The following ANKAR variants were observed in gnomAD, a reference collection of about 807,000 sequenced individuals.
ANKAR encodes the protein ankyrin and armadillo repeat-containing protein.
Under a neutral mutation model 146.2 loss-of-function variants are expected in ANKAR, and 136 were observed. That is an observed-to-expected ratio of 0.93 (90% confidence interval 0.81 to 1.07). The LOEUF (loss-of-function observed/expected upper bound fraction) is 1.07, where lower values mean the gene tolerates loss of function less well. ANKAR is among the 50% of genes least tolerant of loss of function. The pLI, the probability that ANKAR is intolerant of heterozygous loss-of-function variation, is 0.00. For missense variants in ANKAR, 1,567 were observed against 1,679.9 expected, an observed-to-expected ratio of 0.93 and a Z score of 1.18; for synonymous variants, 500 against 575.8, an observed-to-expected ratio of 0.87 and a Z score of 1.88.
At chr2:189,752,504 C>G (rs2045424289) in intron 18 of ANKAR, 16 of 719,498 alleles carry the variant, frequency 2.2e-5, no homozygotes, top group Non-Finnish European at 3.4e-5. Context: ...CATATGGTAT[C>G]AACCTTAACT....
chr2:189,745,024 C>CTAATAATAA (rs777180514), intron 22 of ANKAR, among the ~76,000 whole-genome samples: 10 of 33,772 alleles, frequency 3.0e-4, no homozygotes, highest in Non-Finnish European at 8.0e-4. Context: ...ACTACTACTA[C>CTAATAATAA]TACTAATAAT....
downstream of ANKAR, among the ~76,000 whole-genome samples, chr2:189,749,276 T>G (rs917045331): frequency 9.2e-6 from 1 of 108,560 alleles, no homozygotes; most frequent in Non-Finnish European, 1.8e-5. Context: ...AAGATTATTT[T>G]TATTACTCCA....
At chr2:189,675,452 A>G (rs2033424045) in intron 1 of ANKAR, among the ~76,000 whole-genome samples, 1 of 151,596 alleles carries the variant, frequency 6.6e-6, no homozygotes. Flanking sequence ...TCCTGGGTTC[A>G]GCCTCCTGTC....
intron 7 of ANKAR, among the ~76,000 whole-genome samples, chr2:189,700,294 C>G: frequency 6.6e-6 from 1 of 152,160 alleles, no homozygotes; most frequent in Non-Finnish European, 1.5e-5. Flanking sequence ...CGCACACTTC[C>G]TGCTTGCATA....
intron 2 of ANKAR, 108 bp downstream of exon 2, chr2:189,677,199 C>A (rs2033856006): frequency 3.6e-6 from 4 of 1,121,326 alleles, no homozygotes; most frequent in Non-Finnish European, 4.8e-6. Context: ...CATTCACCCA[C>A]CTAGGCCTCC....
At position 189,743,216 on chromosome 2, in the gene ANKAR, C is replaced by A. The variant is rs1015261009; in HGVS notation, c.3811-59C>A. ...TTTCCTATGAAATAGCTAATTAGAA[C>A]ATTAAGATATTTTAAGAACAAAGCC... is the stretch of plus-strand genomic sequence containing the variant. On this transcript the variant is annotated intron_variant, in intron 20 of 22. Coordinates refer to ENST00000684021, the MANE Select transcript of ANKAR (RefSeq NM_001378068.1). The A allele has an allele frequency of 5.3e-6, 8 of 1,513,522 alleles. No homozygotes were observed. The African/African-American group carries it at 9.7e-5, about 18-fold the overall frequency. The allele number at this position is 1,513,522 out of a possible 1,614,324, so 93.8% of individuals were successfully genotyped here. A position where few individuals can be genotyped will look rare whatever the true frequency, so the allele number is the denominator to read the frequency against.
Position 189,737,723 on chromosome 2 carries a change from C to A in ANKAR, c.3464C>A (p.Ala1155Asp), listed in dbSNP as rs2042981498. 1.3e-6 allele frequency: 2 copies of A among 1,596,680 alleles called. No homozygotes were observed. ...GCAGGCTATGCATTAACACTTTTTG[C>A]CTTCAATAATCGCTTTCAACAATAC... is the stretch of plus-strand genomic sequence containing the variant. The part of the protein sequence containing the change: ...LRAGYALTLF[A>D]FNNRFQQYLI... The change falls in exon 18 of 23, where the codon GCC becomes GAC. Residue 1155 changes from alanine to aspartate, a missense_variant. Coordinates refer to ENST00000684021, the MANE Select transcript of ANKAR (RefSeq NM_001378068.1).
chr2:189,676,640 A>T lies in ANKAR; in HGVS notation c.150A>T (p.Ala50=). 6.2e-7 allele frequency: 1 copy of T among 1,614,188 alleles called. No individual in the cohort carries two copies. The highest frequency in any genetic ancestry group is 8.5e-7 in the Non-Finnish European group (1 of 1,180,036). ...AAATACAAGAGTTACTAACTACTGC[A>T]CTAGTTAGCTGGTTGTCTGCCAAAG... ...RSEIQELLTT[A]LVSWLSAKED... The change falls in exon 2 of 23, where the codon GCA becomes GCT. Residue 50 remains alanine, a synonymous_variant. Coordinates refer to ENST00000684021, the MANE Select transcript of ANKAR (RefSeq NM_001378068.1).
intron 20 of ANKAR, 97 bp from the exon 21 acceptor site, chr2:189,743,178 C>G (rs1046589665): frequency 4.0e-5 from 49 of 1,215,144 alleles, no homozygotes; most frequent in Non-Finnish European, 4.9e-5. Context: ...CTTGCTCCCT[C>G]CCTTACAGAG....
intron 18 of ANKAR, among the ~76,000 whole-genome samples, chr2:189,760,893 C>A (rs2046953409): frequency 6.6e-6 from 1 of 152,178 alleles, no homozygotes; most frequent in South Asian, 2.1e-4. Flanking sequence ...CTGGCTAGAG[C>A]TGAGTAGTGA....
intron 1 of ANKAR, 119 bp from the exon 2 acceptor site, chr2:189,676,337 G>T: frequency 1.1e-6 from 1 of 884,576 alleles, no homozygotes; most frequent in Non-Finnish European, 1.6e-6. Context: ...AAACTATAAT[G>T]GTTGACCATG....
At chr2:189,688,666 C>A (rs1280261971) in intron 2 of ANKAR, among the ~76,000 whole-genome samples, 1 of 152,132 alleles carries the variant, frequency 6.6e-6, no homozygotes, top group African/African-American at 2.4e-5. Context: ...AGATATGTAA[C>A]AAGTTATAGG....
At chr2:189,735,752 T>G (rs1381693437) in intron 17 of ANKAR, among the ~76,000 whole-genome samples, 1 of 152,200 alleles carries the variant, frequency 6.6e-6, no homozygotes, top group Non-Finnish European at 1.5e-5. Flanking sequence ...GCTACCAAAC[T>G]AGAATAATAT....
At chr2:189,729,711 T>TGG (rs1196840525) in intron 15 of ANKAR, among the ~76,000 whole-genome samples, 1 of 148,270 alleles carries the variant, frequency 6.7e-6, no homozygotes, top group Non-Finnish European at 1.5e-5. Flanking sequence ...TGTGTGTGTG[T>TGG]GTGTGGTGCG....
chr2:189,747,601 A>C (rs1898560), downstream of ANKAR, among the ~76,000 whole-genome samples: 38,639 of 152,110 alleles, frequency 0.25, 5,547 homozygotes, highest in African/African-American at 0.39. Context: ...GTCTTTGCTC[A>C]AATAGCAATG....
chr2:189,728,758 A>G lies in ANKAR; in HGVS notation c.3130A>G (p.Ile1044Val), dbSNP rs1574667476. 4 of 1,614,014 alleles carry G rather than the reference A, an allele frequency of 2.5e-6. No individual in the cohort carries two copies. The highest frequency in any genetic ancestry group is 3.4e-6 in the Non-Finnish European group (4 of 1,179,874). ...TGCACCATTGGTTCGCTTACTAAGA[A>G]TTAGTACGATTGCTGAAGGCACACT... The part of the protein sequence containing the change: ...GIAPLVRLLR[I>V]STIAEGTLLS... Residue 1044 changes from isoleucine (I) to valine (V), a missense_variant, in exon 15 of 23, where the codon ATT becomes GTT. Ile to Val is a conservative substitution (Grantham distance 29). Transcript: ENST00000684021.
intron 12 of ANKAR, among the ~76,000 whole-genome samples, chr2:189,725,405 A>G (rs2041771708): frequency 6.6e-6 from 1 of 152,172 alleles, no homozygotes; most frequent in Non-Finnish European, 1.5e-5. Context: ...CCCTCATTAA[A>G]AGGAACCAGA....
At chr2:189,745,457 G>A (rs780199116) in intron 22 of ANKAR, among the ~76,000 whole-genome samples, 5 of 152,062 alleles carry the variant, frequency 3.3e-5, no homozygotes, top group Non-Finnish European at 7.3e-5. Flanking sequence ...AATTCTCAGG[G>A]CAGAGACCAC....
chr2:189,758,121 G>A (rs1484717672), intron 18 of ANKAR, among the ~76,000 whole-genome samples: 1 of 152,106 alleles, frequency 6.6e-6, no homozygotes, highest in African/African-American at 2.4e-5. Flanking sequence ...GGTGGTTCAC[G>A]CCTGTAATCC....
Sources: allele counts gnomAD v4.1 joint callset (sites outside exome capture counted in the v4.1 genomes callset), GRCh38; gene constraint gnomAD v4.1.1; transcripts MANE v1.5; gene names NCBI Gene and HGNC (gene_info 2026-07-23, HGNC 2026-07-21).